Variants in SYNE1 observed in about 807,000 individuals in gnomAD.
SYNE1 encodes the protein spectrin repeat containing nuclear envelope protein 1.
A neutral mutation model predicts 1,111.0 loss-of-function variants in SYNE1; 616 were observed. The observed-to-expected ratio is 0.55, with a 90% confidence interval of 0.52 to 0.59. SYNE1 has a LOEUF of 0.59. Ranked by LOEUF, SYNE1 falls within the 20% of genes least tolerant of loss-of-function variation. SYNE1 has a pLI of 0.00. For missense variants in SYNE1, 10,006 were observed against 10,417.0 expected, an observed-to-expected ratio of 0.96 and a Z score of 1.72; for synonymous variants, 3,855 against 3,825.8, an observed-to-expected ratio of 1.01 and a Z score of -0.28.
At chr6:152,607,412 A>G (rs2099618846) in intron 3 of SYNE1, among the ~76,000 whole-genome samples, 1 of 151,206 alleles carries the variant, frequency 6.6e-6, no homozygotes, top group East Asian at 1.9e-4. Context: ...AAAAAAACTG[A>G]TGTCAAGATT....
chr6:152,460,934 T>A (rs2098730048), intron 21 of SYNE1, among the ~76,000 whole-genome samples: 1 of 149,886 alleles, frequency 6.7e-6, no homozygotes, highest in African/African-American at 2.5e-5. Flanking sequence ...TGCCTCAGGC[T>A]CCTGAGTAGC....
chr6:152,268,388 TA>T (rs11427099), intron 99 of SYNE1, among the ~76,000 whole-genome samples: 1,929 of 142,172 alleles, frequency 0.014, 27 homozygotes, highest in African/African-American at 0.042. Context: ...ATCTGGGGGT[TA>T]AAAAAAAAAA....
chr6:152,213,732 A>G lies in SYNE1; in HGVS notation c.22374T>C (p.His7458=). 2 of 1,614,088 alleles carry G rather than the reference A, an allele frequency of 1.2e-6. No homozygotes were observed. The highest frequency in any genetic ancestry group is 1.7e-6 in the Non-Finnish European group (2 of 1,179,984). The change falls in exon 123 of 146, where the codon CAT becomes CAC. Residue 7458 remains histidine (H), a synonymous_variant. Coordinates refer to ENST00000367255, the MANE Select transcript of SYNE1 (RefSeq NM_182961.4). ...TTTCACATTTTTCCAAGAAAGTCTG[A>G]TGTTGTAGCAAAAATGACTGCAACT... is the stretch of plus-strand genomic sequence containing the variant. ...FSKLQSFLLQ[H]QTFLEKCETW...
intron 107 of SYNE1, 89 bp downstream of exon 107, chr6:152,242,151 G>C: frequency 7.9e-7 from 1 of 1,269,798 alleles, no homozygotes; most frequent in South Asian, 1.2e-5. Flanking sequence ...AAAAGACTGA[G>C]AATATTAGGT....
intron 46 of SYNE1, chr6:152,402,444 T>C (rs551918482): frequency 6.6e-6 from 1 of 152,330 alleles, no homozygotes; most frequent in Admixed American, 6.5e-5. Flanking sequence ...TCCTGGTTCA[T>C]ATTTGGGCCA....
At chr6:152,173,874 A>C (rs913699849) in intron 130 of SYNE1, among the ~76,000 whole-genome samples, 1 of 152,246 alleles carries the variant, frequency 6.6e-6, no homozygotes, top group Non-Finnish European at 1.5e-5. Context: ...TAATTGATTC[A>C]AGTTTATTAA....
At chr6:152,523,411 A>G (rs1436178959) in intron 5 of SYNE1, among the ~76,000 whole-genome samples, 1 of 152,160 alleles carries the variant, frequency 6.6e-6, no homozygotes, top group Non-Finnish European at 1.5e-5. Flanking sequence ...CCATTGGTCT[A>G]TGTATCTACT....
chr6:152,359,777 C>T (rs573386207), intron 64 of SYNE1, among the ~76,000 whole-genome samples: 8 of 152,242 alleles, frequency 5.3e-5, no homozygotes, highest in African/African-American at 1.2e-4. Context: ...CACCCTATCC[C>T]TATTCTACCC....
At chr6:152,123,027 A>G (rs1248617363) in intron 145 of SYNE1, among the ~76,000 whole-genome samples, 1 of 152,260 alleles carries the variant, frequency 6.6e-6, no homozygotes. Context: ...AATAATTAAA[A>G]TGTAGATATT....
At chr6:152,523,803 G>C (rs1460201544) in intron 5 of SYNE1, among the ~76,000 whole-genome samples, 1 of 151,900 alleles carries the variant, frequency 6.6e-6, no homozygotes, top group East Asian at 1.9e-4. Flanking sequence ...ATTTTTTGCA[G>C]CTATTGTAAA....
chr6:152,212,933 AAATTCTG>A (rs2077801452), intron 123 of SYNE1, among the ~76,000 whole-genome samples: 1 of 152,178 alleles, frequency 6.6e-6, no homozygotes. Flanking sequence ...TCTATTTAAA[AAATTCTG>A]AATTAAGTTT....
At chr6:152,218,206 T>C in intron 121 of SYNE1, 51 bp downstream of exon 121, 1 of 1,610,976 alleles carries the variant, frequency 6.2e-7, no homozygotes, top group Non-Finnish European at 8.5e-7. Context: ...AAAAAAAGAT[T>C]TTTGAAGACA....
rs1340555009 is a variant in SYNE1, at chr6:152,301,974, G to A, written c.17436C>T (p.Ala5812=). The A allele has an allele frequency of 3.1e-6, 5 of 1,614,252 alleles. No homozygotes were observed. Among genetic ancestry groups the A allele is most frequent in the Non-Finnish European group, 4.2e-6 (5 of 1,180,046 alleles). The part of the protein sequence containing the change: ...CKMLTMKAKH[A]TMLLTVTEVE... The stretch of plus-strand genomic sequence containing the variant: ...CCTCGGTCACCGTCAGCAGCATGGT[G>A]GCGTGCTTGGCTTTCATCGTCAGCA... Residue 5812 remains alanine, a synonymous_variant, in exon 92 of 146, where the codon GCC becomes GCT. Coordinates refer to ENST00000367255, the MANE Select transcript of SYNE1 (RefSeq NM_182961.4).
At chr6:152,137,242 G>A (rs1001071278) in intron 140 of SYNE1, among the ~76,000 whole-genome samples, 6 of 152,150 alleles carry the variant, frequency 3.9e-5, no homozygotes, top group African/African-American at 1.4e-4. Flanking sequence ...GGAATAAAGA[G>A]GAGTCTTGTA....
intron 3 of SYNE1, among the ~76,000 whole-genome samples, chr6:152,588,627 A>T (rs1282290311): frequency 6.6e-6 from 1 of 152,100 alleles, no homozygotes; most frequent in African/African-American, 2.4e-5. Flanking sequence ...GGGAGGAGGG[A>T]TGTGTGGGAT....
chr6:152,195,694 T>C (rs2073928320), intron 127 of SYNE1, among the ~76,000 whole-genome samples: 1 of 152,154 alleles, frequency 6.6e-6, no homozygotes, highest in Non-Finnish European at 1.5e-5. Context: ...CTGGTACTGG[T>C]GGAGAGGAGA....
At chr6:152,372,668 G>A (rs1019661454) in intron 59 of SYNE1, among the ~76,000 whole-genome samples, 19 of 152,156 alleles carry the variant, frequency 1.2e-4, no homozygotes, top group African/African-American at 4.1e-4. Flanking sequence ...ACTCTCATCT[G>A]CAGCATTTTG....
At position 152,489,902 on chromosome 6, in the gene SYNE1, C is replaced by T. The variant is rs574312302; in HGVS notation, c.940-1399G>A. Among the ~76,000 whole-genome samples, 130 of 152,178 alleles carry T rather than the reference C, an allele frequency of 8.5e-4. 2 individuals carry two copies. The highest frequency in any genetic ancestry group is 1.8e-3 in the African/African-American group (76 of 41,538). On this transcript the variant is annotated intron_variant, in intron 11 of 145. Coordinates refer to ENST00000367255, the MANE Select transcript of SYNE1 (RefSeq NM_182961.4). ...TGGATGTGGGGTAGAGCCAAAAATC[C>T]GTATGTCTAAGTTCCCAGGTGAATC...
At chr6:152,180,381 A>G (rs2067655613) in intron 128 of SYNE1, 87 bp from the exon 129 acceptor site, 1 of 1,285,526 alleles carries the variant, frequency 7.8e-7, no homozygotes, top group Non-Finnish European at 1.1e-6. Context: ...AACTAGGACT[A>G]AAATGAATGA....
Sources: allele counts gnomAD v4.1 joint callset (sites outside exome capture counted in the v4.1 genomes callset), GRCh38; gene constraint gnomAD v4.1.1; transcripts MANE v1.5; gene names NCBI Gene and HGNC (gene_info 2026-07-23, HGNC 2026-07-21).